The following FBXO4 variants were observed in gnomAD, a reference collection of about 807,000 sequenced individuals.
FBXO4 encodes the protein F-box only protein 4.
In FBXO4, 36 loss-of-function variants were observed where a neutral mutation model predicts 43.7. The observed-to-expected ratio is 0.82, with a 90% confidence interval of 0.63 to 1.09. The LOEUF (loss-of-function observed/expected upper bound fraction) is 1.09. FBXO4 is among the 50% of genes least tolerant of loss of function. The pLI, the probability that FBXO4 is intolerant of heterozygous loss-of-function variation, is 0.00. For synonymous variants in FBXO4, 180 were observed against 165.6 expected (o/e 1.09, Z -0.67); for missense variants, 435 against 474.1 (o/e 0.92, Z 0.77).
intron 3 of FBXO4, among the ~76,000 whole-genome samples, chr5:41,933,514 G>GC (rs199538779): frequency 1.9e-3 from 292 of 151,740 alleles, no homozygotes; most frequent in African/African-American, 5.4e-3. Context: ...CACTGTGCCT[G>GC]CCCCCCCCAT....
chr5:41,955,208 T>G, the FBXO4 span, among the ~76,000 whole-genome samples: 3 of 152,176 alleles, frequency 2.0e-5, no homozygotes, highest in Non-Finnish European at 4.4e-5. Flanking sequence ...TACCTTTTAT[T>G]TATATTATAT....
chr5:42,019,708 C>A, the FBXO4 span, among the ~76,000 whole-genome samples: 16,637 of 149,840 alleles, frequency 0.11, 1,439 homozygotes, highest in African/African-American at 0.24. Context: ...AAAAAAAAAA[C>A]CAAGAAAGAA....
rs181599398 is a variant in FBXO4 at position 41,937,064 on chromosome 5, G to A, written c.899-2377G>A. 3.4e-3 allele frequency among the ~76,000 whole-genome samples: 521 copies of A among 152,218 alleles called. 1 individual carries two copies. The highest frequency in any genetic ancestry group is 6.4e-3 in the Admixed American group (98 of 15,292). ...CCCTGATCTAACTTATCTGTAATTG[G>A]AGTCCCAAAACATGAAGGGAGAGAG... On this transcript the variant is annotated intron_variant, in intron 5 of 6. Coordinates refer to ENST00000281623, the MANE Select transcript of FBXO4 (RefSeq NM_012176.3).
the FBXO4 span, among the ~76,000 whole-genome samples, chr5:41,979,083 G>A: frequency 6.6e-6 from 1 of 152,258 alleles, no homozygotes; most frequent in African/African-American, 2.4e-5. Context: ...TTGCAATAAA[G>A]CTTTATTTCA....
rs60238550 is a variant in FBXO4, at chr5:41,939,834, A to ATTT, written c.1074+246_1074+248dup. On this transcript the variant is annotated intron_variant, in intron 6 of 6. Coordinates refer to ENST00000281623, the MANE Select transcript of FBXO4 (RefSeq NM_012176.3). The stretch of plus-strand genomic sequence containing the variant: ...TCATACAGTGAGATAACAATTGGGG[A>ATTT]TTTTTTTTTTTTTTTTTTTTTTTTT... 1.7e-3 allele frequency among the ~76,000 whole-genome samples: 137 copies of ATTT among 79,326 alleles called. 3 individuals carry two copies. The highest frequency in any genetic ancestry group is 0.011 in the Middle Eastern group (1 of 90). The allele number at this position is 79,326 out of a possible 152,430, so 52.0% of individuals were successfully genotyped here.
the FBXO4 span, among the ~76,000 whole-genome samples, chr5:41,985,342 T>C: frequency 6.6e-6 from 1 of 152,146 alleles, no homozygotes; most frequent in East Asian, 1.9e-4. Context: ...TATGAGTAAA[T>C]ATTTGTGGAT....
chr5:41,932,759 A>G (rs2112576541), intron 3 of FBXO4, among the ~76,000 whole-genome samples: 1 of 152,300 alleles, frequency 6.6e-6, no homozygotes, highest in South Asian at 2.1e-4. Context: ...AATGTGAACT[A>G]AAGTGTGGTC....
chr5:41,950,261 C>A, the FBXO4 span, among the ~76,000 whole-genome samples: 2 of 152,100 alleles, frequency 1.3e-5, no homozygotes, highest in Admixed American at 6.5e-5. Context: ...AAGAAACTAT[C>A]ATCAGAGTGA....
the FBXO4 span, among the ~76,000 whole-genome samples, chr5:41,969,447 G>C: frequency 6.6e-6 from 1 of 152,022 alleles, no homozygotes; most frequent in Non-Finnish European, 1.5e-5. Context: ...ATTTTGTGCT[G>C]ATAGAACATC....
the FBXO4 span, among the ~76,000 whole-genome samples, chr5:42,030,717 G>A: frequency 6.6e-6 from 1 of 151,790 alleles, no homozygotes; most frequent in South Asian, 2.1e-4. Context: ...ATCTGACAAA[G>A]GGCTAATATC....
At chr5:41,976,444 G>T in the FBXO4 span, among the ~76,000 whole-genome samples, 1 of 152,156 alleles carries the variant, frequency 6.6e-6, no homozygotes, top group African/African-American at 2.4e-5. Context: ...AGATAAGATG[G>T]TATTATAGGC....
intron 5 of FBXO4, among the ~76,000 whole-genome samples, chr5:41,935,684 C>G (rs965051312): frequency 1.3e-5 from 2 of 152,236 alleles, no homozygotes; most frequent in African/African-American, 4.8e-5. Flanking sequence ...CTCTGGTGCA[C>G]AGGGCCTACC....
At chr5:42,017,197 T>C in the FBXO4 span, among the ~76,000 whole-genome samples, 1 of 151,916 alleles carries the variant, frequency 6.6e-6, no homozygotes, top group Non-Finnish European at 1.5e-5. Context: ...ACAAAATGTA[T>C]CTATAAAAGC....
At chr5:41,966,450 C>T in the FBXO4 span, among the ~76,000 whole-genome samples, 1 of 151,884 alleles carries the variant, frequency 6.6e-6, no homozygotes, top group Non-Finnish European at 1.5e-5. Flanking sequence ...ATAAAATAAA[C>T]CTTTAAATCC....
chr5:41,982,001 T>G, the FBXO4 span, among the ~76,000 whole-genome samples: 1 of 151,354 alleles, frequency 6.6e-6, no homozygotes, highest in South Asian at 2.1e-4. Flanking sequence ...CATGCGGTGT[T>G]TGGTTTTTTG....
At chr5:41,933,078 C>A (rs1040021539) in intron 3 of FBXO4, among the ~76,000 whole-genome samples, 1 of 152,124 alleles carries the variant, frequency 6.6e-6, no homozygotes, top group African/African-American at 2.4e-5. Context: ...AGTTCAACTT[C>A]TTTTTGGTGT....
the FBXO4 span, among the ~76,000 whole-genome samples, chr5:41,972,644 C>T: frequency 1.3e-5 from 2 of 151,930 alleles, no homozygotes; most frequent in Non-Finnish European, 2.9e-5. Flanking sequence ...AGAACAAAGC[C>T]AGAGGCATCA....
chr5:41,928,494 C>T (rs1251484352), intron 2 of FBXO4: 3 of 153,344 alleles, frequency 2.0e-5, no homozygotes, highest in Non-Finnish European at 4.3e-5. Flanking sequence ...GCCACCACGC[C>T]TGGCTAATTT....
chr5:41,987,558 A>G, the FBXO4 span, among the ~76,000 whole-genome samples: 3 of 152,184 alleles, frequency 2.0e-5, no homozygotes, highest in Non-Finnish European at 4.4e-5. Context: ...AATGATCTTA[A>G]CATTTTCCTG....
Sources: allele counts gnomAD v4.1 joint callset (sites outside exome capture counted in the v4.1 genomes callset), GRCh38; gene constraint gnomAD v4.1.1; transcripts MANE v1.5; gene names NCBI Gene and HGNC (gene_info 2026-07-23, HGNC 2026-07-21).